TTLL5: variants seen among roughly 807,000 people sequenced by gnomAD.
The protein encoded by TTLL5 is tubulin polyglutamylase TTLL5.
TTLL5 carries 132 observed loss-of-function variants against 168.4 expected under a neutral mutation model. The ratio of observed to expected loss-of-function variants is 0.78; its 90% confidence interval spans 0.68 to 0.91. The LOEUF (loss-of-function observed/expected upper bound fraction) is 0.91. TTLL5 is among the 40% of genes least tolerant of loss of function. The pLI, the probability that TTLL5 is intolerant of heterozygous loss-of-function variation, is 0.00. For missense variants in TTLL5, 1,545 were observed against 1,581.5 expected (o/e 0.98, Z 0.39); for synonymous variants, 546 against 558.6 (o/e 0.98, Z 0.32).
intron 15 of TTLL5, among the ~76,000 whole-genome samples, chr14:75,740,999 C>T (rs1261578452): frequency 6.6e-6 from 1 of 152,076 alleles, no homozygotes; most frequent in Non-Finnish European, 1.5e-5. Flanking sequence ...TTGTTAAGTT[C>T]TTCTCATCAT....
In TTLL5 at chr14:75,771,775, A is replaced by G. The variant is rs758944388; in HGVS notation, c.2057A>G (p.His686Arg). ...ATAGCATTCTCTGCCTATCTCCAGC[A>G]TGTTCAAATTCGCCTGATGAAAGAC... ...ARIAFSAYLQ[H>R]VQIRLMKDSG... The change falls in exon 21 of 32, where the codon CAT (histidine) becomes CGT (arginine). Residue 686 changes from histidine to arginine, a missense_variant. By Grantham distance (29) the His-to-Arg change is conservative (BLOSUM62 0). Coordinates refer to ENST00000298832, the MANE Select transcript of TTLL5 (RefSeq NM_015072.5). 1.1e-4 allele frequency: 179 copies of G among 1,613,988 alleles called. No individual in the cohort carries two copies. Among genetic ancestry groups the G allele is most frequent in the Non-Finnish European group, 1.4e-4 (166 of 1,179,994 alleles).
intron 28 of TTLL5, among the ~76,000 whole-genome samples, chr14:75,848,945 C>G (rs990163081): frequency 1.3e-5 from 2 of 152,156 alleles, no homozygotes; most frequent in Non-Finnish European, 2.9e-5. Flanking sequence ...TCCTGGGGAC[C>G]ATTCCATTGA....
intron 8 of TTLL5, 63 bp downstream of exon 8, chr14:75,707,150 T>G: frequency 7.9e-7 from 1 of 1,266,410 alleles, no homozygotes; most frequent in Non-Finnish European, 1.2e-6. Context: ...TTTAAGCTTT[T>G]CATAGCCTTC....
At chr14:75,865,552 C>T (rs1449742631) in intron 29 of TTLL5, among the ~76,000 whole-genome samples, 2 of 152,060 alleles carry the variant, frequency 1.3e-5, no homozygotes, top group African/African-American at 4.8e-5. Context: ...AACTCTCTGG[C>T]TCTAATGAAT....
At chr14:75,920,219 G>T (rs533004012) in intron 31 of TTLL5, among the ~76,000 whole-genome samples, 40 of 152,304 alleles carry the variant, frequency 2.6e-4, no homozygotes, top group Admixed American at 2.6e-3. Context: ...CAAGGGACTT[G>T]TATCCAGAAT....
At position 75,783,425 on chromosome 14, in the gene TTLL5, C is replaced by T; in HGVS notation, c.2881C>T (p.Pro961Ser). 1 of 1,614,194 alleles carries T rather than the reference C, an allele frequency of 6.2e-7. No homozygotes were observed. The highest frequency in any genetic ancestry group is 2.2e-5 in the East Asian group (1 of 44,872). Residue 961 changes from proline to serine, a missense_variant, in exon 26 of 32, where the codon CCA (proline) becomes TCA (serine). Physicochemically the swap from Pro to Ser is moderately conservative, Grantham distance 74. Coordinates refer to ENST00000298832, the MANE Select transcript of TTLL5 (RefSeq NM_015072.5). ...GAACATCCCAAGCCCTACTGGCCTGCCACGCTGTCGATCAGGAAGTCACAC... is the reference window on the plus strand; with the variant it reads ...GAACATCCCAAGCCCTACTGGCCTGTCACGCTGTCGATCAGGAAGTCACAC... ...AQNIPSPTGLPRCRSGSHTIG... is the reference protein window; with the variant it reads ...AQNIPSPTGLSRCRSGSHTIG...
At chr14:75,865,288 T>C (rs1056674164) in intron 29 of TTLL5, among the ~76,000 whole-genome samples, 6 of 152,000 alleles carry the variant, frequency 3.9e-5, no homozygotes, top group Non-Finnish European at 5.9e-5. Flanking sequence ...TAATCTGTGT[T>C]CTTAAATTTC....
At chr14:75,785,874 A>G (rs997848287) in intron 26 of TTLL5, among the ~76,000 whole-genome samples, 2 of 152,126 alleles carry the variant, frequency 1.3e-5, no homozygotes, top group Non-Finnish European at 2.9e-5. Flanking sequence ...TTTCATATGA[A>G]TTTTAGGATC....
intron 29 of TTLL5, among the ~76,000 whole-genome samples, chr14:75,869,825 T>TTTTTTTTTTTTTA (rs2030870032): frequency 8.0e-6 from 1 of 125,570 alleles, no homozygotes; most frequent in South Asian, 2.9e-4. Flanking sequence ...ACAAGTATTT[T>TTTTTTTTTTTTTA]TTTTTTTTTT....
At chr14:75,735,546 T>C (rs17183724) in intron 15 of TTLL5, among the ~76,000 whole-genome samples, 15,999 of 152,286 alleles carry the variant, frequency 0.11, 1,009 homozygotes, top group Non-Finnish European at 0.14. Context: ...CTTTCTGTTT[T>C]TAAAAATCAC....
At chr14:75,709,252 A>G in intron 9 of TTLL5, 3 of 756,380 alleles carry the variant, frequency 4.0e-6, no homozygotes, top group South Asian at 1.4e-5. Flanking sequence ...GCTTTGACAG[A>G]TATTATTGTA....
At chr14:75,719,645 TAA>T (rs1887717991) in intron 10 of TTLL5, 88 bp from the exon 11 acceptor site, 1 of 1,218,508 alleles carries the variant, frequency 8.2e-7, no homozygotes, top group Middle Eastern at 2.1e-4. Context: ...AAAAACTTTT[TAA>T]AAAGACAAGA....
intron 28 of TTLL5, among the ~76,000 whole-genome samples, chr14:75,841,236 C>G: frequency 6.6e-6 from 1 of 152,190 alleles, no homozygotes; most frequent in Admixed American, 6.5e-5. Context: ...CTTCATAGTT[C>G]TAAATCATGT....
intron 28 of TTLL5, among the ~76,000 whole-genome samples, chr14:75,857,300 T>C (rs976752798): frequency 3.3e-5 from 5 of 152,214 alleles, no homozygotes; most frequent in Admixed American, 6.5e-5. Flanking sequence ...AGATTTTTTT[T>C]CTAATGTTAC....
chr14:75,856,603 C>T (rs1217658399), intron 28 of TTLL5, among the ~76,000 whole-genome samples: 1 of 147,738 alleles, frequency 6.8e-6, no homozygotes, highest in African/African-American at 2.5e-5. Flanking sequence ...GATGTATTCT[C>T]ATGATATTAT....
At chr14:75,937,795 G>A (rs1420369497) in intron 31 of TTLL5, among the ~76,000 whole-genome samples, 3 of 152,246 alleles carry the variant, frequency 2.0e-5, no homozygotes, top group South Asian at 4.2e-4. Flanking sequence ...TTTAAATATT[G>A]TGAATAATGC....
At chr14:75,755,577 G>A (rs1890203765) in intron 18 of TTLL5, among the ~76,000 whole-genome samples, 1 of 151,936 alleles carries the variant, frequency 6.6e-6, no homozygotes, top group Non-Finnish European at 1.5e-5. Flanking sequence ...ATAATTGCCT[G>A]TTTACTAATT....
At chr14:75,719,267 G>A (rs1339742879) in intron 10 of TTLL5, among the ~76,000 whole-genome samples, 1 of 152,238 alleles carries the variant, frequency 6.6e-6, no homozygotes, top group Non-Finnish European at 1.5e-5. Context: ...GCAATTCTGT[G>A]TGGGGTTATT....
intron 15 of TTLL5, among the ~76,000 whole-genome samples, chr14:75,742,499 G>A (rs1396342556): frequency 1.3e-5 from 2 of 152,154 alleles, no homozygotes; most frequent in Non-Finnish European, 2.9e-5. Context: ...GGGTCCAAGC[G>A]ATTCTCTTGC....
Sources: gnomAD v4.1 joint callset for allele counts (sites outside exome capture counted in the v4.1 genomes callset) on GRCh38, gnomAD v4.1.1 for gene constraint, MANE v1.5 for transcripts, NCBI Gene and HGNC (gene_info 2026-07-23, HGNC 2026-07-21) for gene names.